GPR141: variants seen among roughly 807,000 people sequenced by gnomAD.
GPR141 encodes the protein G protein-coupled receptor 141.
In GPR141, 6 loss-of-function variants were observed where a neutral mutation model predicts 6.8. That is an observed-to-expected ratio of 0.88 (90% CI 0.48 to 1.74). GPR141 has a LOEUF of 1.74. Ranked by LOEUF, GPR141 falls within the 40% of genes most tolerant of loss-of-function variation. The pLI, the probability that GPR141 is intolerant of heterozygous loss-of-function variation, is 0.01. For missense variants in GPR141, 372 were observed against 372.9 expected (o/e 1.00, Z 0.02); for synonymous variants, 140 against 142.3 (o/e 0.98, Z 0.11).
intron 1 of GPR141, among the ~76,000 whole-genome samples, 169 bp downstream of exon 1, chr7:37,684,072 A>G (rs1001590740): frequency 6.6e-6 from 1 of 152,212 alleles, no homozygotes; most frequent in African/African-American, 2.4e-5. Flanking sequence ...GAATTGTTCT[A>G]TTCTTACTGC....
chr7:37,721,729 C>A (rs1276959921), intron 2 of GPR141, among the ~76,000 whole-genome samples: 3 of 152,198 alleles, frequency 2.0e-5, no homozygotes, highest in African/African-American at 7.2e-5. Flanking sequence ...AATTTCTCCA[C>A]GTCTCTGTTT....
intron 2 of GPR141, among the ~76,000 whole-genome samples, chr7:37,720,516 T>C (rs1453936881): frequency 6.6e-6 from 1 of 152,148 alleles, no homozygotes; most frequent in African/African-American, 2.4e-5. Flanking sequence ...CCGAAGCAGA[T>C]GGATCACAAG....
At chr7:37,707,748 T>C (rs1239789626) in intron 2 of GPR141, among the ~76,000 whole-genome samples, 1 of 152,150 alleles carries the variant, frequency 6.6e-6, no homozygotes, top group Non-Finnish European at 1.5e-5. Flanking sequence ...CTAGAAACTT[T>C]AGTTACTTGC....
intron 2 of GPR141, among the ~76,000 whole-genome samples, chr7:37,716,652 G>A (rs1008511068): frequency 1.3e-5 from 2 of 152,148 alleles, no homozygotes; most frequent in African/African-American, 2.4e-5. Flanking sequence ...GTGGACAAAA[G>A]TATAATTTCT....
At chr7:37,717,432 G>A (rs1811100210) in intron 2 of GPR141, among the ~76,000 whole-genome samples, 1 of 152,214 alleles carries the variant, frequency 6.6e-6, no homozygotes, top group South Asian at 2.1e-4. Flanking sequence ...AATCTAGGTG[G>A]AGGTTGTGTA....
chr7:37,739,908 A>G (rs1174779198), intron 2 of GPR141, among the ~76,000 whole-genome samples: 2 of 152,206 alleles, frequency 1.3e-5, no homozygotes, highest in Non-Finnish European at 2.9e-5. Context: ...TAAATGAATT[A>G]AGTATGAATA....
At chr7:37,721,971 A>G (rs754592210) in intron 2 of GPR141, among the ~76,000 whole-genome samples, 4 of 152,218 alleles carry the variant, frequency 2.6e-5, no homozygotes, top group Non-Finnish European at 4.4e-5. Context: ...CATCTGGATA[A>G]CATATTGGAA....
chr7:37,723,792 C>G (rs1811475894), intron 2 of GPR141, among the ~76,000 whole-genome samples: 3 of 152,194 alleles, frequency 2.0e-5, no homozygotes, highest in African/African-American at 7.2e-5. Flanking sequence ...GCACTGGACA[C>G]TCAGGAATGC....
chr7:37,694,187 G>T (rs1439556313), intron 2 of GPR141, among the ~76,000 whole-genome samples: 1 of 152,238 alleles, frequency 6.6e-6, no homozygotes, highest in Non-Finnish European at 1.5e-5. Context: ...CTGTGTCAGG[G>T]CACAGTAGTA....
chr7:37,717,710 C>T (rs1226603264), intron 2 of GPR141, among the ~76,000 whole-genome samples: 1 of 152,202 alleles, frequency 6.6e-6, no homozygotes, highest in Non-Finnish European at 1.5e-5. Flanking sequence ...CTCTGATGCA[C>T]TATCTTATTT....
intron 2 of GPR141, chr7:37,730,124 CTTCT>C (rs1432124768): frequency 6.6e-6 from 1 of 152,234 alleles, no homozygotes; most frequent in Admixed American, 6.5e-5. Context: ...ATCTTCTTCT[CTTCT>C]TTCTTTTTCT....
chr7:37,719,037 A>C (rs1811186110), intron 2 of GPR141, among the ~76,000 whole-genome samples: 1 of 152,190 alleles, frequency 6.6e-6, no homozygotes, highest in Non-Finnish European at 1.5e-5. Flanking sequence ...GTGCGTGAAG[A>C]GTTTCACCAG....
intron 2 of GPR141, among the ~76,000 whole-genome samples, chr7:37,733,854 T>A (rs1328585416): frequency 1.3e-5 from 2 of 152,120 alleles, no homozygotes; most frequent in African/African-American, 4.8e-5. Flanking sequence ...TTCCACTTCA[T>A]ACGTTGGATA....
chr7:37,733,376 C>T (rs1812068990), intron 2 of GPR141, among the ~76,000 whole-genome samples: 1 of 152,064 alleles, frequency 6.6e-6, no homozygotes, highest in South Asian at 2.1e-4. Flanking sequence ...AGGAAAACCA[C>T]AGATAAGTAT....
At chr7:37,703,059 G>T (rs936316560) in intron 2 of GPR141, among the ~76,000 whole-genome samples, 20 of 152,008 alleles carry the variant, frequency 1.3e-4, no homozygotes, top group South Asian at 6.2e-4. Flanking sequence ...CTTTAGTAAG[G>T]GTAAACCGGT....
Position 37,740,696 on chromosome 7 carries a change from C to T in GPR141, c.303C>T (p.Leu101=). Residue 101 remains leucine, a synonymous_variant, in exon 3 of 3, where the codon CTC becomes CTT. Coordinates refer to ENST00000334425, the MANE Select transcript of GPR141 (RefSeq NM_001381946.1). The stretch of plus-strand genomic sequence containing the variant: ...CCATGCTGCACATCCACATGTACCT[C>T]ACGTTCCTATTCTATGTGGTGATCC... ...VSAMLHIHMY[L]TFLFYVVILV... 2 of 1,614,130 alleles carry T rather than the reference C, an allele frequency of 1.2e-6. No homozygotes were observed. Among genetic ancestry groups the T allele is most frequent in the Non-Finnish European group, 1.7e-6 (2 of 1,179,990 alleles).
intron 2 of GPR141, among the ~76,000 whole-genome samples, chr7:37,721,586 A>G (rs1263989341): frequency 6.6e-6 from 1 of 152,196 alleles, no homozygotes; most frequent in African/African-American, 2.4e-5. Flanking sequence ...ACTTCTACAG[A>G]TGAAATGCCC....
intron 2 of GPR141, among the ~76,000 whole-genome samples, chr7:37,697,049 A>G (rs1810051083): frequency 6.6e-6 from 1 of 152,244 alleles, no homozygotes; most frequent in Admixed American, 6.5e-5. Flanking sequence ...CCAGGAGACT[A>G]TAATTAGTTA....
At chr7:37,712,769 T>A (rs145387728) in intron 2 of GPR141, among the ~76,000 whole-genome samples, 1 of 152,342 alleles carries the variant, frequency 6.6e-6, no homozygotes, top group African/African-American at 2.4e-5. Flanking sequence ...CAAGACTCAA[T>A]AGCACAAAAG....
Sources: allele counts gnomAD v4.1 joint callset (sites outside exome capture counted in the v4.1 genomes callset), GRCh38; gene constraint gnomAD v4.1.1; transcripts MANE v1.5; gene names NCBI Gene and HGNC (gene_info 2026-07-23, HGNC 2026-07-21).